The following CTNNA2 variants were observed in gnomAD, a reference collection of about 807,000 sequenced individuals.
CTNNA2 encodes catenin alpha-2.
CTNNA2 carries 42 observed loss-of-function variants against 101.0 expected under a neutral mutation model. The observed-to-expected ratio is 0.42, with a 90% CI of 0.32 to 0.54. The LOEUF (loss-of-function observed/expected upper bound fraction) is 0.54. CTNNA2 is among the 20% of genes least tolerant of loss of function. The probability of loss-of-function intolerance (pLI) is 0.14; values close to 1 mark genes in which losing one functional copy is unlikely to be tolerated. For synonymous variants in CTNNA2, 450 were observed against 456.4 expected (o/e 0.99, Z 0.18); for missense variants, 871 against 1,223.1 (o/e 0.71, Z 4.29).
chr2:79,763,666 T>C (rs75763606), intron 3 of CTNNA2, among the ~76,000 whole-genome samples: 26,104 of 152,146 alleles, frequency 0.17, 2,378 homozygotes, highest in Admixed American at 0.22. Context: ...TCTGGTAATA[T>C]CATCCATCTG....
At chr2:79,309,780 G>C (rs1676324728) in intron 2 of CTNNA2, among the ~76,000 whole-genome samples, 2 of 152,052 alleles carry the variant, frequency 1.3e-5, no homozygotes, top group African/African-American at 2.4e-5. Flanking sequence ...TTTTTAGTTT[G>C]GTCTGCTGGT....
intron 2 of CTNNA2, among the ~76,000 whole-genome samples, chr2:79,302,175 G>C (rs922817103): frequency 6.6e-6 from 1 of 152,072 alleles, no homozygotes; most frequent in Admixed American, 6.6e-5. Context: ...TATTTGAAAA[G>C]ACTTAGTGAC....
chr2:80,472,119 CA>C (rs35151279), intron 9 of CTNNA2, among the ~76,000 whole-genome samples: 46 of 142,138 alleles, frequency 3.2e-4, no homozygotes, highest in Non-Finnish European at 3.4e-4. Flanking sequence ...GACTCCATCT[CA>C]AAAAAAAAAA....
intron 3 of CTNNA2, among the ~76,000 whole-genome samples, chr2:79,325,151 G>A (rs1447306053): frequency 6.6e-6 from 1 of 152,122 alleles, no homozygotes; most frequent in Non-Finnish European, 1.5e-5. Flanking sequence ...AGGAGAGAGA[G>A]TGTATCAAAA....
intron 2 of CTNNA2, among the ~76,000 whole-genome samples, chr2:79,224,835 A>G (rs1434195): frequency 6.6e-6 from 1 of 150,484 alleles, no homozygotes; most frequent in South Asian, 2.1e-4. Context: ...ATTAAGTTTG[A>G]CTGTTCTCGG....
chr2:80,027,678 C>T (rs1000183181), intron 7 of CTNNA2, among the ~76,000 whole-genome samples: 3 of 151,856 alleles, frequency 2.0e-5, no homozygotes, highest in East Asian at 3.9e-4. Flanking sequence ...CATTGTGGGG[C>T]GGGGAATGCC....
chr2:80,184,074 A>G (rs1705960524), intron 7 of CTNNA2, among the ~76,000 whole-genome samples: 1 of 152,138 alleles, frequency 6.6e-6, no homozygotes, highest in African/African-American at 2.4e-5. Flanking sequence ...TATAATAATA[A>G]TAATAATAAT....
intron 7 of CTNNA2, among the ~76,000 whole-genome samples, chr2:79,998,979 A>C (rs532235959): frequency 6.6e-6 from 1 of 152,166 alleles, no homozygotes; most frequent in Non-Finnish European, 1.5e-5. Context: ...TCACTAGGAC[A>C]TTAGGGATTG....
At chr2:80,575,947 T>TCC (rs930127737) in intron 13 of CTNNA2, among the ~76,000 whole-genome samples, 7 of 152,174 alleles carry the variant, frequency 4.6e-5, no homozygotes, top group Non-Finnish European at 1.0e-4. Flanking sequence ...ATTTTTAAAA[T>TCC]CCTTCTCCAT....
chr2:80,589,251 G>T, intron 14 of CTNNA2, 53 bp from the exon 15 acceptor site: 1 of 1,576,602 alleles, frequency 6.3e-7, no homozygotes, highest in South Asian at 1.1e-5. Context: ...GTCAACATAC[G>T]GTCTGTACTT....
At chr2:79,690,378 T>A (rs983902564) in intron 2 of CTNNA2, among the ~76,000 whole-genome samples, 1 of 152,066 alleles carries the variant, frequency 6.6e-6, no homozygotes, top group Non-Finnish European at 1.5e-5. Context: ...GACACTTTCA[T>A]ATAAAGAAAA....
chr2:80,064,802 T>C (rs1697860537), intron 7 of CTNNA2, among the ~76,000 whole-genome samples: 1 of 152,190 alleles, frequency 6.6e-6, no homozygotes, highest in Admixed American at 6.5e-5. Flanking sequence ...AAACAAGTCA[T>C]GTGGCTAAGT....
intron 1 of CTNNA2, among the ~76,000 whole-genome samples, chr2:79,589,533 G>A (rs1349860115): frequency 6.6e-6 from 1 of 151,870 alleles, no homozygotes; most frequent in Admixed American, 6.6e-5. Flanking sequence ...TTATTGAGAA[G>A]ATCTGTTTAA....
intron 3 of CTNNA2, among the ~76,000 whole-genome samples, chr2:79,338,317 T>C (rs1677043561): frequency 6.6e-6 from 1 of 151,062 alleles, no homozygotes; most frequent in Non-Finnish European, 1.5e-5. Flanking sequence ...TGCTTGTGTG[T>C]AAAGGGCAGA....
chr2:79,980,513 A>C (rs1175262893), intron 7 of CTNNA2, among the ~76,000 whole-genome samples: 1 of 152,160 alleles, frequency 6.6e-6, no homozygotes, highest in Non-Finnish European at 1.5e-5. Context: ...GTTATTACTG[A>C]AATTTCTAAT....
At chr2:79,764,649 C>T (rs1573909672) in intron 3 of CTNNA2, among the ~76,000 whole-genome samples, 1 of 152,234 alleles carries the variant, frequency 6.6e-6, no homozygotes, top group South Asian at 2.1e-4. Flanking sequence ...GTTGGTTCTC[C>T]AAAAGCCACA....
intron 2 of CTNNA2, among the ~76,000 whole-genome samples, chr2:79,664,494 T>C (rs967059314): frequency 2.6e-5 from 4 of 152,150 alleles, no homozygotes; most frequent in African/African-American, 9.7e-5. Context: ...TTCCCTTGAC[T>C]ACCTCTTGAC....
intron 2 of CTNNA2, among the ~76,000 whole-genome samples, chr2:79,724,277 C>A (rs778581933): frequency 6.6e-6 from 1 of 150,986 alleles, no homozygotes; most frequent in Non-Finnish European, 1.5e-5. Context: ...GGGAAAAAAA[C>A]AATACAAAAC....
At chr2:80,318,760 C>G (rs1678383681) in intron 7 of CTNNA2, among the ~76,000 whole-genome samples, 1 of 151,988 alleles carries the variant, frequency 6.6e-6, no homozygotes. Context: ...CAGATTGGAC[C>G]TTTTTTGTGA....
Sources: allele counts gnomAD v4.1 joint callset (sites outside exome capture counted in the v4.1 genomes callset), GRCh38; gene constraint gnomAD v4.1.1; transcripts MANE v1.5; gene names NCBI Gene and HGNC (gene_info 2026-07-23, HGNC 2026-07-21).